The following SORL1 variants were observed in gnomAD, a reference collection of about 807,000 sequenced individuals.
SORL1 encodes the protein sortilin related receptor 1.
SORL1 carries 127 observed loss-of-function variants against 273.7 expected under a neutral mutation model. The ratio of observed to expected loss-of-function variants is 0.46; its 90% CI spans 0.40 to 0.54. The LOEUF (loss-of-function observed/expected upper bound fraction) is 0.54, where lower values mean the gene tolerates loss of function less well. Ranked by LOEUF, SORL1 falls within the 20% of genes least tolerant of loss-of-function variation. The probability of loss-of-function intolerance (pLI) is 0.00; values close to 1 mark genes in which losing one functional copy is unlikely to be tolerated. For synonymous variants in SORL1, 1,031 were observed against 1,067.4 expected, an observed-to-expected ratio of 0.97 and a Z score of 0.66; for missense variants, 2,494 against 2,846.1, an observed-to-expected ratio of 0.88 and a Z score of 2.81.
At chr11:121,585,855 T>C (rs943238735) in intron 26 of SORL1, among the ~76,000 whole-genome samples, 1 of 152,208 alleles carries the variant, frequency 6.6e-6, no homozygotes, top group Middle Eastern at 3.2e-3. Context: ...CAGTGTACAG[T>C]AATTTATTAA....
chr11:121,497,929 A>G (rs1591300884), intron 6 of SORL1, among the ~76,000 whole-genome samples: 1 of 152,126 alleles, frequency 6.6e-6, no homozygotes, highest in African/African-American at 2.4e-5. Flanking sequence ...ATTTACTTCT[A>G]TAATTGGTAG....
chr11:121,509,114 A>ATT (rs558402196), intron 6 of SORL1, among the ~76,000 whole-genome samples: 7 of 139,940 alleles, frequency 5.0e-5, no homozygotes, highest in South Asian at 2.3e-4. Flanking sequence ...TTCATTTATG[A>ATT]TTTTTTTTTT....
At chr11:121,513,491 T>G (rs1198270365) in intron 7 of SORL1, among the ~76,000 whole-genome samples, 1 of 152,200 alleles carries the variant, frequency 6.6e-6, no homozygotes, top group Non-Finnish European at 1.5e-5. Flanking sequence ...GGGTCCCACC[T>G]TTTAGAAACA....
intron 3 of SORL1, among the ~76,000 whole-genome samples, chr11:121,484,294 A>G (rs1307062442): frequency 1.3e-5 from 2 of 152,176 alleles, no homozygotes; most frequent in Non-Finnish European, 2.9e-5. Flanking sequence ...AAGTTGCTCA[A>G]TCAAACCTGG....
In SORL1 at chr11:121,516,523, G is replaced by A. The variant is rs892174956; in HGVS notation, c.1211+2202G>A. 7.9e-5 allele frequency among the ~76,000 whole-genome samples: 12 copies of A among 152,166 alleles called. No individual in the cohort carries two copies. In the South Asian group the frequency reaches 1.2e-3, roughly 16 times the overall value. ...TTGGAGAGGCCTATTGGATATCCAT[G>A]TGCCCAGCCTTCTACCTGGCCTCTG... On this transcript the variant is annotated intron_variant, in intron 8 of 47. Transcript: ENST00000260197.
rs1244706745 is a variant in SORL1, at chr11:121,590,190, G to T, written c.4213+16G>T. The T allele has an allele frequency of 5.6e-6, 9 of 1,613,226 alleles. No homozygotes were observed. The highest frequency in any genetic ancestry group is 7.6e-6 in the Non-Finnish European group (9 of 1,179,572). ...GATTGTGGAGGTAAGAGGCCCCTGG[G>T]GCCTGGGTTAGCCCCATAACCAAGA... On this transcript the variant is annotated intron_variant, in intron 30 of 47. Transcript: ENST00000260197.
At chr11:121,513,695 C>T in intron 7 of SORL1, among the ~76,000 whole-genome samples, 1 of 152,184 alleles carries the variant, frequency 6.6e-6, no homozygotes, top group Non-Finnish European at 1.5e-5. Flanking sequence ...AAGTAGCTCA[C>T]TTACTTACCT....
intron 3 of SORL1, among the ~76,000 whole-genome samples, chr11:121,478,669 T>C (rs1861319674): frequency 6.6e-6 from 1 of 152,142 alleles, no homozygotes; most frequent in Admixed American, 6.5e-5. Context: ...CGTGCTTGTG[T>C]GCGTGTGAGT....
At chr11:121,598,726 G>A (rs1459094179) in intron 32 of SORL1, among the ~76,000 whole-genome samples, 1 of 152,186 alleles carries the variant, frequency 6.6e-6, no homozygotes, top group African/African-American at 2.4e-5. Context: ...TGACTTGAGA[G>A]AAAAATCATC....
At position 121,518,396 on chromosome 11, in the gene SORL1, T is replaced by C. The variant is rs564637194; in HGVS notation, c.1212-2261T>C. Among the ~76,000 whole-genome samples, 3 of 152,256 alleles carry C rather than the reference T, an allele frequency of 2.0e-5. No homozygotes were observed. In the East Asian group the frequency reaches 5.8e-4, roughly 29 times the overall value. On this transcript the variant is annotated intron_variant, in intron 8 of 47. Transcript: ENST00000260197. ...AAAGGAAAGGATGGGCTGGGACTTC[T>C]GGTGAAGGAGCATGTGAGGTACAGG...
chr11:121,573,567 T>A (rs1862880551), intron 23 of SORL1, among the ~76,000 whole-genome samples: 1 of 152,114 alleles, frequency 6.6e-6, no homozygotes, highest in Non-Finnish European at 1.5e-5. Context: ...GAGCCGAGAT[T>A]GCGCCACTGC....
chr11:121,595,753 C>T lies in SORL1; in HGVS notation c.4500C>T (p.Gly1500=), dbSNP rs775678770. 4 of 1,613,396 alleles carry T rather than the reference C, an allele frequency of 2.5e-6. No homozygotes were observed. In the South Asian group the frequency reaches 3.3e-5, roughly 13 times the overall value. The change falls in exon 32 of 48, where the codon GGC becomes GGT. Residue 1500 remains glycine, a synonymous_variant. Coordinates refer to ENST00000260197, the MANE Select transcript of SORL1 (RefSeq NM_003105.6). This position sits in a 1 kb window ranked among gnomAD's most constrained non-coding sequence, Gnocchi z 5.1. ...RCDGHQDCQD[G]RDEANCPTHS... is the part of the protein sequence containing the mutation. ...ACGGCCACCAAGATTGCCAGGATGG[C>T]CGGGACGAGGCCAATTGCCGTGAGT...
rs897989838 is a variant in SORL1 at position 121,614,799 on chromosome 11, G to A, written c.5420-72G>A. The stretch of plus-strand genomic sequence containing the variant: ...GATTACTATTTTTTTTTAAAAAAGT[G>A]CATGTACCAAGACACGTTCTTGACT... On this transcript the variant is annotated intron_variant, in intron 40 of 47. Coordinates refer to ENST00000260197, the MANE Select transcript of SORL1 (RefSeq NM_003105.6). 5 of 1,207,798 alleles carry A rather than the reference G, an allele frequency of 4.1e-6. No homozygotes were observed. The Admixed American group carries it at 9.7e-5, about 23-fold the overall frequency. The allele number at this position is 1,207,798 out of a possible 1,614,324, so 74.8% of individuals were successfully genotyped here.
chr11:121,627,647 G>T lies in SORL1; in HGVS notation c.6457G>T (p.Val2153Leu), dbSNP rs758620610. ...ATTCCTGATACTGCTGAGCCTGGGG[G>T]TGGGGTTTGCCATCCTGTACACGAA... ...ILFLILLSLG[V>L]GFAILYTKHR... Residue 2153 changes from valine to leucine, a missense_variant, in exon 47 of 48, where the codon GTG (valine) becomes TTG (leucine). Coordinates refer to ENST00000260197, the MANE Select transcript of SORL1 (RefSeq NM_003105.6). This position sits in a 1 kb window ranked among gnomAD's most constrained non-coding sequence, Gnocchi z 4.9. 1.2e-6 allele frequency: 2 copies of T among 1,614,200 alleles called. No homozygotes were observed. The highest frequency in any genetic ancestry group is 1.1e-5 in the South Asian group (1 of 91,084).
chr11:121,551,768 C>T (rs766225371), intron 16 of SORL1, among the ~76,000 whole-genome samples: 1 of 152,194 alleles, frequency 6.6e-6, no homozygotes. Context: ...ATGCTAAGTT[C>T]GTTAGTCCCT....
chr11:121,496,762 A>G (rs1565315222), intron 5 of SORL1, 107 bp from the exon 6 acceptor site: 1 of 842,172 alleles, frequency 1.2e-6, no homozygotes, highest in Non-Finnish European at 1.8e-6. Flanking sequence ...TCTGTGGGTC[A>G]CACCATGGTA....
At chr11:121,455,991 T>TAA (rs35906996) in intron 1 of SORL1, among the ~76,000 whole-genome samples, 20 of 116,576 alleles carry the variant, frequency 1.7e-4, no homozygotes, top group African/African-American at 3.2e-4. Flanking sequence ...AGACTCCATC[T>TAA]AAAAAAAAAA....
chr11:121,515,511 A>C (rs771771802), intron 8 of SORL1, among the ~76,000 whole-genome samples: 6 of 152,190 alleles, frequency 3.9e-5, no homozygotes, highest in Non-Finnish European at 8.8e-5. Flanking sequence ...TTTTAGGAGC[A>C]GGGAGGAGGC....
chr11:121,555,319 G>T lies in SORL1; in HGVS notation c.2571+1G>T, dbSNP rs1184599938. On this transcript the variant is annotated splice_donor_variant, in intron 18 of 47. Coordinates refer to ENST00000260197, the MANE Select transcript of SORL1 (RefSeq NM_003105.6). LOFTEE classifies it high-confidence loss of function. ...AGATGCAGGCTTCAAAAAGATTGAGGTATGTGTATTTTCGTGCTGTTCTTA... is the reference window on the plus strand; with the variant it reads ...AGATGCAGGCTTCAAAAAGATTGAGTTATGTGTATTTTCGTGCTGTTCTTA... 6.2e-7 allele frequency: 1 copy of T among 1,613,592 alleles called. No homozygotes were observed. The highest frequency in any genetic ancestry group is 8.5e-7 in the Non-Finnish European group (1 of 1,179,632).
Sources: gnomAD v4.1 joint callset for allele counts (sites outside exome capture counted in the v4.1 genomes callset) on GRCh38, gnomAD v4.1.1 for gene constraint, Gnocchi (gnomAD v3.1) non-coding constraint, MANE v1.5 for transcripts, NCBI Gene and HGNC (gene_info 2026-07-23, HGNC 2026-07-21) for gene names.